Variants in PIK3C3 observed in about 807,000 individuals in gnomAD.
PIK3C3 encodes PI3-kinase type 3.
PIK3C3 carries 95 observed loss-of-function variants against 126.1 expected under a neutral mutation model. The observed-to-expected ratio is 0.75, with a 90% CI of 0.64 to 0.89. PIK3C3 has a LOEUF of 0.89. Ranked by LOEUF, PIK3C3 falls within the 40% of genes least tolerant of loss-of-function variation. The pLI is 0.00. For missense variants in PIK3C3, 829 were observed against 1,063.2 expected, an observed-to-expected ratio of 0.78 and a Z score of 3.06; for synonymous variants, 374 against 360.0, an observed-to-expected ratio of 1.04 and a Z score of -0.44.
At chr18:42,076,253 A>G (rs1280229593) in intron 24 of PIK3C3, among the ~76,000 whole-genome samples, 1 of 149,236 alleles carries the variant, frequency 6.7e-6, no homozygotes, top group African/African-American at 2.5e-5. Context: ...ATACACATAC[A>G]CACATACATA....
At chr18:41,995,098 C>T (rs1202520112) in intron 7 of PIK3C3, among the ~76,000 whole-genome samples, 1 of 146,142 alleles carries the variant, frequency 6.8e-6, no homozygotes, top group African/African-American at 2.5e-5. Context: ...TTAACTGTGA[C>T]TCAGAATCCA....
chr18:42,076,145 C>CACATATATATATATATATATAT (rs1232530841), intron 24 of PIK3C3, among the ~76,000 whole-genome samples: 1 of 26,230 alleles, frequency 3.8e-5, no homozygotes, highest in Non-Finnish European at 6.1e-5. Flanking sequence ...TATATATATG[C>CACATATATATATATATATATAT]GCATATATAT....
chr18:41,972,680 C>T (rs184725628), intron 4 of PIK3C3, among the ~76,000 whole-genome samples: 40 of 152,160 alleles, frequency 2.6e-4, no homozygotes, highest in Admixed American at 4.6e-4. Flanking sequence ...AAACAGAAAC[C>T]ATCAAAATGA....
intron 4 of PIK3C3, 79 bp from the exon 5 acceptor site, chr18:41,987,733 A>C: frequency 2.4e-6 from 2 of 849,006 alleles, no homozygotes; most frequent in Admixed American, 1.8e-5. Context: ...TGTGAAGTGT[A>C]CATTGCCATT....
In PIK3C3 at chr18:42,076,133, T is replaced by TATATATGTATGCAC. The variant is rs1555643384; in HGVS notation, c.2650-4984_2650-4983insGTATGCACATATAT. ...ATATATATATATATGCGCATATATATATATATATATGCGCATATATATATA... is the reference window on the plus strand; with the variant it reads ...ATATATATATATATGCGCATATATATATATATGTATGCACATATATATATGCGCATATATATATA... On this transcript the variant is annotated intron_variant, in intron 24 of 24. Coordinates refer to ENST00000262039, the MANE Select transcript of PIK3C3 (RefSeq NM_002647.4). 1.6e-4 allele frequency among the ~76,000 whole-genome samples: 15 copies of TATATATGTATGCAC among 91,798 alleles called. 1 individual carries two copies. Among genetic ancestry groups the TATATATGTATGCAC allele is most frequent in the African/African-American group, 8.3e-4 (13 of 15,704 alleles). 60.2% of individuals were successfully genotyped at this position (91,798 alleles called of 152,430 possible). A position where few individuals can be genotyped will look rare whatever the true frequency, so the allele number is the denominator to read the frequency against.
intron 4 of PIK3C3, chr18:41,970,973 G>A (rs867552678): frequency 6.4e-6 from 1 of 157,432 alleles, no homozygotes; most frequent in East Asian, 1.9e-4. Context: ...AGAAGCTTAT[G>A]CCACTTGGAA....
At chr18:42,042,219 T>C (rs1984354683) in intron 19 of PIK3C3, among the ~76,000 whole-genome samples, 1 of 152,218 alleles carries the variant, frequency 6.6e-6, no homozygotes, top group South Asian at 2.1e-4. Context: ...ATTACACCCA[T>C]GTTACTGCTT....
At chr18:42,024,087 CT>C (rs1357548364) in intron 13 of PIK3C3, among the ~76,000 whole-genome samples, 8 of 152,116 alleles carry the variant, frequency 5.3e-5, no homozygotes, top group Non-Finnish European at 1.2e-4. Flanking sequence ...TGAAAGTAAA[CT>C]TTGGCTGCTT....
At chr18:42,055,920 G>A (rs1277467657) in intron 21 of PIK3C3, among the ~76,000 whole-genome samples, 5 of 151,970 alleles carry the variant, frequency 3.3e-5, no homozygotes, top group Admixed American at 2.6e-4. Flanking sequence ...TGTTATTTAT[G>A]CAAATAACAG....
intron 6 of PIK3C3, among the ~76,000 whole-genome samples, chr18:41,992,161 T>C (rs1354592540): frequency 6.6e-6 from 1 of 152,162 alleles, no homozygotes; most frequent in East Asian, 1.9e-4. Flanking sequence ...CATAAATTAA[T>C]GCCTGTCTAC....
chr18:42,053,246 T>C (rs547768475), intron 21 of PIK3C3, among the ~76,000 whole-genome samples: 2 of 152,314 alleles, frequency 1.3e-5, no homozygotes, highest in Admixed American at 6.5e-5. Context: ...AATGTCAAAA[T>C]CTATACAAGA....
In PIK3C3 at chr18:42,064,850, A is replaced by C; in HGVS notation, c.2523+20A>C. ...AAAAAGGTAATTTTTAAGTAACATA[A>C]ATGAAGAGCTCTTCTGTATAATTTT... On this transcript the variant is annotated intron_variant, in intron 23 of 24. Transcript: ENST00000262039. 8.2e-7 allele frequency: 1 copy of C among 1,219,516 alleles called. No homozygotes were observed. The highest frequency in any genetic ancestry group is 1.2e-6 in the Non-Finnish European group (1 of 821,964). 75.5% of individuals were successfully genotyped at this position (1,219,516 alleles called of 1,614,324 possible). A position where few individuals can be genotyped will look rare whatever the true frequency, so the allele number is the denominator to read the frequency against.
intron 13 of PIK3C3, among the ~76,000 whole-genome samples, chr18:42,022,894 C>T (rs1983390163): frequency 6.6e-6 from 1 of 152,014 alleles, no homozygotes; most frequent in South Asian, 2.1e-4. Flanking sequence ...CTCTAATGTT[C>T]TCTGTGTTCC....
chr18:42,040,878 C>T, intron 19 of PIK3C3, 137 bp downstream of exon 19: 2 of 616,490 alleles, frequency 3.2e-6, no homozygotes, highest in Non-Finnish European at 5.7e-6. Context: ...TTCCTTTATT[C>T]AGAAGTAAGC....
chr18:42,065,273 C>T (rs1051756109), intron 23 of PIK3C3, among the ~76,000 whole-genome samples: 8 of 151,882 alleles, frequency 5.3e-5, no homozygotes, highest in African/African-American at 7.3e-5. Flanking sequence ...TAAAACAATC[C>T]GTAGAAACAC....
chr18:42,000,192 T>C (rs1982218307), intron 9 of PIK3C3, among the ~76,000 whole-genome samples: 1 of 152,132 alleles, frequency 6.6e-6, no homozygotes, highest in Non-Finnish European at 1.5e-5. Flanking sequence ...TAGCTGGGAT[T>C]GCAGGCGTGC....
At chr18:42,038,947 T>C in intron 18 of PIK3C3, 97 bp downstream of exon 18, 1 of 725,544 alleles carries the variant, frequency 1.4e-6, no homozygotes, top group Non-Finnish European at 2.3e-6. Flanking sequence ...TACAAATAAA[T>C]TCCATTTGTA....
intron 21 of PIK3C3, among the ~76,000 whole-genome samples, chr18:42,055,217 G>C (rs577416039): frequency 9.2e-5 from 14 of 152,028 alleles, no homozygotes; most frequent in African/African-American, 3.4e-4. Flanking sequence ...AAAGAGCTTC[G>C]TACCTCCCCT....
At chr18:41,991,966 C>T (rs1981800064) in intron 6 of PIK3C3, among the ~76,000 whole-genome samples, 1 of 151,834 alleles carries the variant, frequency 6.6e-6, no homozygotes, top group African/African-American at 2.4e-5. Context: ...TATTTTCTGC[C>T]CATATAGAGT....
Sources: allele counts gnomAD v4.1 joint callset (sites outside exome capture counted in the v4.1 genomes callset), GRCh38; gene constraint gnomAD v4.1.1; transcripts MANE v1.5; gene names NCBI Gene and HGNC (gene_info 2026-07-23, HGNC 2026-07-21).